CNTN2: variants seen among roughly 807,000 people sequenced by gnomAD.
CNTN2 encodes the protein contactin-2.
CNTN2 carries 53 observed loss-of-function variants against 117.5 expected under a neutral mutation model. That is an observed-to-expected ratio of 0.45 (90% CI 0.36 to 0.57). The LOEUF (loss-of-function observed/expected upper bound fraction) is 0.57. Ranked by LOEUF, CNTN2 falls within the 20% of genes least tolerant of loss-of-function variation. The pLI, the probability that CNTN2 is intolerant of heterozygous loss-of-function variation, is 0.00. For missense variants in CNTN2, 1,106 were observed against 1,404.3 expected, an observed-to-expected ratio of 0.79 and a Z score of 3.39; for synonymous variants, 530 against 561.7, an observed-to-expected ratio of 0.94 and a Z score of 0.80.
chr1:205,066,490 C>T lies in CNTN2; in HGVS notation c.1866C>T (p.Thr622=). The part of the protein sequence containing the change: ...GGVVVRDIGD[T]TIQLSWSRGF... ...TGGTGGTGAGGGACATTGGCGACAC[C>T]ACCATCCAGCTCAGCTGGAGCCGTG... Residue 622 remains threonine, a synonymous_variant, in exon 15 of 23, where the codon ACC becomes ACT. Transcript: ENST00000331830. 2 of 1,614,046 alleles carry T rather than the reference C, an allele frequency of 1.2e-6. No individual in the cohort carries two copies. Among genetic ancestry groups the T allele is most frequent in the Non-Finnish European group, 1.7e-6 (2 of 1,180,038 alleles).
At position 205,070,349 on chromosome 1, in the gene CNTN2, G is replaced by A. The variant is rs148872005; in HGVS notation, c.2432-77G>A. On this transcript the variant is annotated intron_variant, in intron 18 of 22. Coordinates refer to ENST00000331830, the MANE Select transcript of CNTN2 (RefSeq NM_005076.5). Reference sequence around the variant, plus strand: ...CTTTCCTCCAAAATCTTAAGCAAAGGCAATCCTGGTTGGGGGCTGCTCTGC... The same window carrying A: ...CTTTCCTCCAAAATCTTAAGCAAAGACAATCCTGGTTGGGGGCTGCTCTGC... 228 of 1,048,050 alleles carry A rather than the reference G, an allele frequency of 2.2e-4. 2 individuals are homozygous for A. In the East Asian group the frequency reaches 5.5e-3, roughly 25 times the overall value. 64.9% of individuals were successfully genotyped at this position (1,048,050 alleles called of 1,614,324 possible).
Position 205,073,311 on chromosome 1 carries a change from C to A in CNTN2, c.3013+75C>A. ...CAGATACCTGAGAGGATCATTCCCACCCAGGCCAACTCCAATCTCTACCCG... is the reference window on the plus strand; with the variant it reads ...CAGATACCTGAGAGGATCATTCCCAACCAGGCCAACTCCAATCTCTACCCG... On this transcript the variant is annotated intron_variant, in intron 22 of 22. Transcript: ENST00000331830. This position sits in a 1 kb window ranked among gnomAD's most constrained non-coding sequence, Gnocchi z 6.3. The A allele has an allele frequency of 6.6e-7, 1 of 1,524,882 alleles. No individual in the cohort carries two copies. The highest frequency in any genetic ancestry group is 9.0e-7 in the Non-Finnish European group (1 of 1,117,000). The allele number at this position is 1,524,882 out of a possible 1,614,324, so 94.5% of individuals were successfully genotyped here.
intron 18 of CNTN2, 69 bp downstream of exon 18, chr1:205,070,130 G>C: frequency 6.9e-7 from 1 of 1,454,492 alleles, no homozygotes; most frequent in Non-Finnish European, 9.5e-7. Flanking sequence ...TGGGGTGGGG[G>C]AACGCTACTC....
intron 21 of CNTN2, chr1:205,072,822 G>C (rs1654661361): frequency 3.1e-6 from 2 of 640,152 alleles, no homozygotes; most frequent in Non-Finnish European, 5.4e-6. Flanking sequence ...AGTTCACAGG[G>C]GCAGTGATGG....
intron 1 of CNTN2, among the ~76,000 whole-genome samples, chr1:205,047,628 CATT>C (rs1366156324): frequency 2.6e-5 from 4 of 152,152 alleles, no homozygotes. Context: ...TACCTATGAC[CATT>C]GCACCTTTGA....
rs922461005 is a variant in CNTN2, at chr1:205,061,124, C to G, written c.798-121C>G. On this transcript the variant is annotated intron_variant, in intron 7 of 22. Transcript: ENST00000331830. This position sits in a 1 kb window ranked among gnomAD's most constrained non-coding sequence, Gnocchi z 4.8. ...ATCAGCCAGAAGGCACCCTCTCTCC[C>G]TCTGTTCCTCCCAGGCCCAGCATCT... 6.2e-6 allele frequency: 7 copies of G among 1,132,912 alleles called. No homozygotes were observed. The highest frequency in any genetic ancestry group is 8.6e-6 in the Non-Finnish European group (7 of 810,626). The allele number at this position is 1,132,912 out of a possible 1,614,324, so 70.2% of individuals were successfully genotyped here. A position where few individuals can be genotyped will look rare whatever the true frequency, so the allele number is the denominator to read the frequency against.
chr1:205,046,498 T>C (rs1342921993), intron 1 of CNTN2, among the ~76,000 whole-genome samples: 1 of 152,130 alleles, frequency 6.6e-6, no homozygotes, highest in Admixed American at 6.5e-5. Context: ...AGGGCAGCCT[T>C]CCTGCAGTGC....
intron 1 of CNTN2, among the ~76,000 whole-genome samples, chr1:205,049,754 G>A (rs2096449080): frequency 6.6e-6 from 1 of 152,226 alleles, no homozygotes; most frequent in Non-Finnish European, 1.5e-5. Context: ...GCATCAGGAC[G>A]CAGCACACCA....
At chr1:205,056,599 T>C (rs1439475283) in intron 2 of CNTN2, among the ~76,000 whole-genome samples, 4 of 152,178 alleles carry the variant, frequency 2.6e-5, no homozygotes, top group Non-Finnish European at 5.9e-5. Flanking sequence ...CTGGATGCGC[T>C]GGGAAAGGAA....
Position 205,065,118 on chromosome 1 carries a change from T to C in CNTN2, c.1551T>C (p.Ser517=), listed in dbSNP as rs1361625329. ...DATKITLAPS[S]ADINLGDNLT... The stretch of plus-strand genomic sequence containing the variant: ...CCAAAATCACTCTAGCCCCCTCAAG[T>C]GCCGACATCAACTTGGGTGACAACC... The change falls in exon 13 of 23, where the codon AGT becomes AGC. Residue 517 remains serine, a synonymous_variant. Transcript: ENST00000331830. This position sits in a 1 kb window ranked among gnomAD's most constrained non-coding sequence, Gnocchi z 4.1. The C allele has an allele frequency of 1.2e-6, 2 of 1,614,104 alleles. No homozygotes were observed. The highest frequency in any genetic ancestry group is 1.7e-5 in the Admixed American group (1 of 60,028).
At position 205,071,852 on chromosome 1, in the gene CNTN2, C is replaced by T. The variant is rs2151199855; in HGVS notation, c.2545-95C>T. 3 of 1,221,180 alleles carry T rather than the reference C, an allele frequency of 2.5e-6. No individual in the cohort carries two copies. In the Admixed American group the frequency reaches 8.3e-5, roughly 34 times the overall value. 75.6% of individuals were successfully genotyped at this position (1,221,180 alleles called of 1,614,324 possible). ...AGGCCTAAGACTGGGTCACAGGGACCAGGATGAGCAAGAGAGGAACAGAAT... is the reference window on the plus strand; with the variant it reads ...AGGCCTAAGACTGGGTCACAGGGACTAGGATGAGCAAGAGAGGAACAGAAT... On this transcript the variant is annotated intron_variant, in intron 19 of 22. Transcript: ENST00000331830.
chr1:205,061,369 G>A lies in CNTN2; in HGVS notation c.922G>A (p.Ala308Thr), dbSNP rs1402397418. 1 of 1,613,788 alleles carries A rather than the reference G, an allele frequency of 6.2e-7. No homozygotes were observed. Among genetic ancestry groups the A allele is most frequent in the South Asian group, 1.1e-5 (1 of 91,036 alleles). The stretch of plus-strand genomic sequence containing the variant: ...GGATGAGGGCACCTACGAGTGTGAG[G>A]CGGAGAACTCCAAGGGCCGAGACAC... ...FEDEGTYECE[A>T]ENSKGRDTVQ... The change falls in exon 8 of 23, where the codon GCG (alanine) becomes ACG (threonine). Residue 308 changes from alanine to threonine, a missense_variant. Transcript: ENST00000331830. The surrounding 1 kb of genome is among the most constrained non-coding windows in gnomAD (Gnocchi z 4.8).
In CNTN2 at chr1:205,062,400, G is replaced by A. The variant is rs368954831; in HGVS notation, c.1111-40G>A. On this transcript the variant is annotated intron_variant, in intron 9 of 22. Transcript: ENST00000331830. ...CCAACCCCTCCTCCCTGTGGCTCCT[G>A]TGGTCCTGATCCCCCTGGGCTCTGG... 6.8e-5 allele frequency: 108 copies of A among 1,582,228 alleles called. No homozygotes were observed. The African/African-American group carries it at 1.3e-3, about 19-fold the overall frequency.
chr1:205,052,236 A>G (rs1300872751), intron 1 of CNTN2, among the ~76,000 whole-genome samples: 1 of 151,806 alleles, frequency 6.6e-6, no homozygotes, highest in Non-Finnish European at 1.5e-5. Flanking sequence ...GACATTCCAC[A>G]CTCCCCTCTG....
rs1428400356 is a variant in CNTN2 at position 205,058,626 on chromosome 1, G to T, written c.450G>T (p.Gly150=). The change falls in exon 5 of 23, where the codon GGG becomes GGT. Residue 150 remains glycine, a synonymous_variant. Coordinates refer to ENST00000331830, the MANE Select transcript of CNTN2 (RefSeq NM_005076.5). This position sits in a 1 kb window ranked among gnomAD's most constrained non-coding sequence, Gnocchi z 4.3. ...CAGTGAAAGCTCATGAAGGCTGGGGGGTGATGTTGCCCTGTAACCCACCTG... is the reference window on the plus strand; with the variant it reads ...CAGTGAAAGCTCATGAAGGCTGGGGTGTGATGTTGCCCTGTAACCCACCTG... ...RDPVKAHEGW[G]VMLPCNPPAH... is the part of the protein sequence containing the mutation. The T allele has an allele frequency of 6.2e-7, 1 of 1,614,016 alleles. No individual in the cohort carries two copies. The highest frequency in any genetic ancestry group is 2.2e-5 in the East Asian group (1 of 44,868).
rs1166740665 is a variant in CNTN2 at position 205,048,563 on chromosome 1, G to A, written c.-86-4537G>A. Among the ~76,000 whole-genome samples, 1 of 152,158 alleles carries A rather than the reference G, an allele frequency of 6.6e-6. No homozygotes were observed. Among genetic ancestry groups the A allele is most frequent in the Non-Finnish European group, 1.5e-5 (1 of 68,028 alleles). ...GGGCAGCTGGCCTGGGCGAGGCTTGGCTGGCTCAGGGTTCGCAGGGCCAGC... is the reference window on the plus strand; with the variant it reads ...GGGCAGCTGGCCTGGGCGAGGCTTGACTGGCTCAGGGTTCGCAGGGCCAGC... On this transcript the variant is annotated intron_variant, in intron 1 of 22. Coordinates refer to ENST00000331830, the MANE Select transcript of CNTN2 (RefSeq NM_005076.5). The surrounding 1 kb of genome is among the most constrained non-coding windows in gnomAD (Gnocchi z 4.1).
intron 19 of CNTN2, among the ~76,000 whole-genome samples, chr1:205,071,393 C>T (rs1654587303): frequency 6.6e-6 from 1 of 152,200 alleles, no homozygotes; most frequent in African/African-American, 2.4e-5. Flanking sequence ...CTAGTGATAG[C>T]ACAAGTTCAT....
At chr1:205,064,981 C>G in intron 12 of CNTN2, 106 bp from the exon 13 acceptor site, 3 of 1,349,004 alleles carry the variant, frequency 2.2e-6, no homozygotes, top group Non-Finnish European at 3.1e-6. Flanking sequence ...CACACCACCT[C>G]TTCTCTTTGC....
intron 1 of CNTN2, among the ~76,000 whole-genome samples, chr1:205,050,626 A>AT (rs34368788): frequency 0.36 from 54,577 of 151,392 alleles, 13,399 homozygotes; most frequent in East Asian, 0.67. Flanking sequence ...TTCTGAGTAC[A>AT]TTTTTTTTTG....
Sources: allele counts gnomAD v4.1 joint callset (sites outside exome capture counted in the v4.1 genomes callset), GRCh38; gene constraint gnomAD v4.1.1; non-coding constraint Gnocchi (gnomAD v3.1); transcripts MANE v1.5; gene names NCBI Gene and HGNC (gene_info 2026-07-23, HGNC 2026-07-21).